The following COG5 variants were observed in gnomAD, a reference collection of about 807,000 sequenced individuals.
The protein encoded by COG5 is conserved oligomeric Golgi complex subunit 5.
Under a neutral mutation model 110.4 loss-of-function variants are expected in COG5, and 86 were observed. That is an observed-to-expected ratio of 0.78 (90% confidence interval 0.65 to 0.93). The LOEUF (loss-of-function observed/expected upper bound fraction) is 0.93, where lower values mean the gene tolerates loss of function less well. Ranked by LOEUF, COG5 falls within the 40% of genes least tolerant of loss-of-function variation. The pLI is 0.00. For missense variants in COG5, 1,077 were observed against 987.0 expected (o/e 1.09, Z -1.22); for synonymous variants, 360 against 334.6 (o/e 1.08, Z -0.83).
intron 18 of COG5, among the ~76,000 whole-genome samples, chr7:107,235,468 G>A (rs1801112270): frequency 6.6e-6 from 1 of 152,222 alleles, no homozygotes; most frequent in South Asian, 2.1e-4. Flanking sequence ...ACTTTGGGAG[G>A]CCAAGGCGGG....
intron 12 of COG5, among the ~76,000 whole-genome samples, chr7:107,288,236 C>T (rs192832422): frequency 3.3e-5 from 5 of 152,050 alleles, no homozygotes; most frequent in South Asian, 4.1e-4. Flanking sequence ...TGGGAGTGCA[C>T]GCCTGTAATC....
At chr7:107,499,696 C>A (rs1484400299) in intron 6 of COG5, among the ~76,000 whole-genome samples, 1 of 151,998 alleles carries the variant, frequency 6.6e-6, no homozygotes, top group African/African-American at 2.4e-5. Context: ...AGCCACCATG[C>A]CTAGCCTGAA....
At chr7:107,220,944 A>G (rs1018875042) in intron 19 of COG5, among the ~76,000 whole-genome samples, 2 of 151,324 alleles carry the variant, frequency 1.3e-5, no homozygotes, top group African/African-American at 4.9e-5. Flanking sequence ...CAGCTTCCCA[A>G]GTAGCTGATG....
intron 6 of COG5, among the ~76,000 whole-genome samples, chr7:107,518,327 A>G (rs145997616): frequency 1.3e-5 from 2 of 152,324 alleles, no homozygotes; most frequent in Non-Finnish European, 2.9e-5. Context: ...TTAAATGTAA[A>G]TGGGCTAAAT....
In COG5 at chr7:107,563,791, C is replaced by T. The variant is rs781367888; in HGVS notation, c.94+12G>A. The stretch of plus-strand genomic sequence containing the variant: ...CCCAACCCCACGACCTGGTCAGACC[C>T]CGTCTCCTTACCGTCCTGCAGAAGT... On this transcript the variant is annotated intron_variant, in intron 1 of 21. Transcript: ENST00000297135. 7.4e-6 allele frequency: 12 copies of T among 1,613,844 alleles called. No individual in the cohort carries two copies. The highest frequency in any genetic ancestry group is 1.0e-5 in the Non-Finnish European group (12 of 1,179,844).
At chr7:107,346,725 T>C (rs1208801497) in intron 10 of COG5, among the ~76,000 whole-genome samples, 1 of 152,150 alleles carries the variant, frequency 6.6e-6, no homozygotes, top group African/African-American at 2.4e-5. Flanking sequence ...TATTATACTT[T>C]AAGTTCTAGG....
chr7:107,260,299 T>C (rs1803232036), intron 14 of COG5, among the ~76,000 whole-genome samples: 1 of 152,080 alleles, frequency 6.6e-6, no homozygotes, highest in Non-Finnish European at 1.5e-5. Flanking sequence ...GAAAACATTA[T>C]TCTATGTGAA....
chr7:107,406,260 C>T (rs1791829961), intron 7 of COG5, among the ~76,000 whole-genome samples: 1 of 152,178 alleles, frequency 6.6e-6, no homozygotes, highest in Admixed American at 6.5e-5. Context: ...TTCCCTGACT[C>T]CTATTTTTCT....
intron 7 of COG5, among the ~76,000 whole-genome samples, chr7:107,383,031 A>C (rs1815260723): frequency 6.6e-6 from 1 of 152,116 alleles, no homozygotes. Flanking sequence ...AGGTGATGGG[A>C]ATAAATAGGA....
chr7:107,302,333 A>T (rs1178778786), intron 11 of COG5, among the ~76,000 whole-genome samples: 1 of 152,210 alleles, frequency 6.6e-6, no homozygotes, highest in Non-Finnish European at 1.5e-5. Flanking sequence ...ACTACCATAT[A>T]GTAACAAAAA....
intron 16 of COG5, among the ~76,000 whole-genome samples, chr7:107,256,289 T>C (rs1802875566): frequency 6.6e-6 from 1 of 152,132 alleles, no homozygotes; most frequent in South Asian, 2.1e-4. Flanking sequence ...CATTGTCCTA[T>C]GCATTGCAAG....
chr7:107,480,124 T>G (rs537741400), intron 6 of COG5, among the ~76,000 whole-genome samples: 33 of 152,264 alleles, frequency 2.2e-4, no homozygotes, highest in African/African-American at 7.7e-4. Context: ...TTTCTGTCCA[T>G]TTAAGTGGCT....
intron 6 of COG5, among the ~76,000 whole-genome samples, chr7:107,444,679 T>C (rs961630214): frequency 1.3e-5 from 2 of 152,178 alleles, no homozygotes; most frequent in African/African-American, 4.8e-5. Context: ...TCAAATACTA[T>C]ATCATAAACT....
At chr7:107,437,122 C>T (rs1423664070) in intron 6 of COG5, among the ~76,000 whole-genome samples, 1 of 152,126 alleles carries the variant, frequency 6.6e-6, no homozygotes, top group Non-Finnish European at 1.5e-5. Context: ...AAATTGGGAT[C>T]TCCTCTCTGA....
In COG5 at chr7:107,203,434, T is replaced by C; in HGVS notation, c.*82A>G. 2.3e-6 allele frequency: 2 copies of C among 872,822 alleles called. No individual in the cohort carries two copies. Among genetic ancestry groups the C allele is most frequent in the Non-Finnish European group, 2.0e-6 (1 of 506,364 alleles). The allele number at this position is 872,822 out of a possible 1,614,324, so 54.1% of individuals were successfully genotyped here. A position where few individuals can be genotyped will look rare whatever the true frequency, so the allele number is the denominator to read the frequency against. ...ATTACATTCTTAAAATAGTAGATAG[T>C]AGCAGTCTTTTGGAGTATGTGTTTA... On this transcript the variant is annotated 3_prime_UTR_variant, in exon 22 of 22. Coordinates refer to ENST00000297135, the MANE Select transcript of COG5 (RefSeq NM_006348.5).
rs1214876238 is a variant in COG5 at position 107,203,423 on chromosome 7, ATAG to A, written c.*90_*92del. On this transcript the variant is annotated 3_prime_UTR_variant, in exon 22 of 22. Transcript: ENST00000297135. Reference sequence around the variant, plus strand: ...CCGAACAATCAATTACATTCTTAAAATAGTAGATAGTAGCAGTCTTTTGGAGTA... The same window carrying A: ...CCGAACAATCAATTACATTCTTAAAATAGATAGTAGCAGTCTTTTGGAGTA... 1 of 832,062 alleles carries A rather than the reference ATAG, an allele frequency of 1.2e-6. No homozygotes were observed. Among genetic ancestry groups the A allele is most frequent in the Non-Finnish European group, 2.1e-6 (1 of 473,262 alleles). The allele number at this position is 832,062 out of a possible 1,614,324, so 51.5% of individuals were successfully genotyped here.
chr7:107,251,133 C>CAAAAA (rs564589238), intron 16 of COG5, among the ~76,000 whole-genome samples: 3 of 54,860 alleles, frequency 5.5e-5, no homozygotes, highest in South Asian at 8.5e-4. Context: ...TGAAACTAGC[C>CAAAAA]AAAAAAAAAA....
In COG5 at chr7:107,509,200, A is replaced by C. The variant is rs1238053837; in HGVS notation, c.538+18037T>G. On this transcript the variant is annotated intron_variant, in intron 6 of 21. Transcript: ENST00000297135. ...GAATAACCAATGCAGAGAAGTCCTTAAAGGAGCTGAGGTAGCTGAAAGCCA... is the reference window on the plus strand; with the variant it reads ...GAATAACCAATGCAGAGAAGTCCTTCAAGGAGCTGAGGTAGCTGAAAGCCA... 2.0e-5 allele frequency among the ~76,000 whole-genome samples: 3 copies of C among 152,236 alleles called. No homozygotes were observed. The East Asian group carries it at 5.8e-4, about 29-fold the overall frequency.
chr7:107,433,973 T>C (rs993156961), intron 6 of COG5, among the ~76,000 whole-genome samples: 6 of 151,798 alleles, frequency 4.0e-5, no homozygotes, highest in African/African-American at 1.5e-4. Flanking sequence ...AAAAAGCAAA[T>C]AACCTGATTT....
Sources: allele counts gnomAD v4.1 joint callset (sites outside exome capture counted in the v4.1 genomes callset), GRCh38; gene constraint gnomAD v4.1.1; transcripts MANE v1.5; gene names NCBI Gene and HGNC (gene_info 2026-07-23, HGNC 2026-07-21).